RTN3: variants seen among roughly 807,000 people sequenced by gnomAD.
RTN3 encodes the protein reticulon-3.
In RTN3, 49 loss-of-function variants were observed where a neutral mutation model predicts 77.8. The ratio of observed to expected loss-of-function variants is 0.63; its 90% CI spans 0.50 to 0.80. RTN3 has a LOEUF of 0.80. Ranked by LOEUF, RTN3 falls within the 30% of genes least tolerant of loss-of-function variation. RTN3 has a pLI of 0.00. For synonymous variants in RTN3, 464 were observed against 446.9 expected, an observed-to-expected ratio of 1.04 and a Z score of -0.48; for missense variants, 1,236 against 1,211.9, an observed-to-expected ratio of 1.02 and a Z score of -0.29.
Position 63,718,977 on chromosome 11 carries a change from C to A in RTN3, c.475C>A (p.Pro159Thr). ...AGVHCDRPSIPASFPEHPAFL... is the reference protein window; with the variant it reads ...AGVHCDRPSITASFPEHPAFL... Reference sequence around the variant, plus strand: ...AGTTCATTGTGACCGTCCTTCTATTCCAGCCAGTTTCCCAGAGCATCCTGC... The same window carrying A: ...AGTTCATTGTGACCGTCCTTCTATTACAGCCAGTTTCCCAGAGCATCCTGC... Residue 159 changes from proline (P) to threonine (T), a missense_variant, in exon 3 of 9, where the codon CCA becomes ACA. Physicochemically the swap from Pro to Thr is conservative, Grantham distance 38 (BLOSUM62 -1). Transcript: ENST00000377819. 1 of 1,614,122 alleles carries A rather than the reference C, an allele frequency of 6.2e-7. No individual in the cohort carries two copies. The highest frequency in any genetic ancestry group is 1.6e-4 in the Middle Eastern group (1 of 6,062).
At chr11:63,753,781 T>A in intron 7 of RTN3, 73 bp downstream of exon 7, 1 of 1,338,022 alleles carries the variant, frequency 7.5e-7, no homozygotes, top group Non-Finnish European at 1.1e-6. Flanking sequence ...TCTGAGACAT[T>A]GAATGTTCAG....
chr11:63,688,614 T>G (rs561161623), intron 1 of RTN3, among the ~76,000 whole-genome samples: 1 of 152,232 alleles, frequency 6.6e-6, no homozygotes, highest in African/African-American at 2.4e-5. Context: ...TCTACATACA[T>G]TTAGTAGGTG....
chr11:63,738,107 G>T (rs1234941828), intron 3 of RTN3, among the ~76,000 whole-genome samples: 2 of 152,094 alleles, frequency 1.3e-5, no homozygotes, highest in Non-Finnish European at 2.9e-5. Flanking sequence ...AGTAACCAAA[G>T]AAAAGAAATA....
At chr11:63,689,369 G>C (rs1360734859) in intron 1 of RTN3, among the ~76,000 whole-genome samples, 3 of 152,202 alleles carry the variant, frequency 2.0e-5, no homozygotes, top group Non-Finnish European at 4.4e-5. Context: ...TTGGATCATA[G>C]GGTATGGTGT....
In RTN3 at chr11:63,720,085, C is replaced by T; in HGVS notation, c.1583C>T (p.Pro528Leu). Reference sequence around the variant, plus strand: ...CAGGCTGAAAAACCTGTTTCCATTCCAAGTGCTGTTGTAAAAACAGGTGAA... The same window carrying T: ...CAGGCTGAAAAACCTGTTTCCATTCTAAGTGCTGTTGTAAAAACAGGTGAA... ...KIQAEKPVSI[P>L]SAVVKTGERE... Residue 528 changes from proline (P) to leucine (L), a missense_variant, in exon 3 of 9, where the codon CCA (proline) becomes CTA (leucine). This residue lies in a region of RTN3 where 1,056 missense variants were observed against 990.4 expected (regional missense o/e 1.07). Transcript: ENST00000377819. 1 of 1,613,726 alleles carries T rather than the reference C, an allele frequency of 6.2e-7. No individual in the cohort carries two copies. Among genetic ancestry groups the T allele is most frequent in the South Asian group, 1.1e-5 (1 of 90,914 alleles).
intron 3 of RTN3, among the ~76,000 whole-genome samples, chr11:63,742,603 C>A (rs1431705048): frequency 1.3e-5 from 2 of 152,004 alleles, no homozygotes; most frequent in African/African-American, 2.4e-5. Flanking sequence ...CGAGATCATG[C>A]CACTGCACTC....
chr11:63,688,839 G>T (rs755637313), intron 1 of RTN3, among the ~76,000 whole-genome samples: 2 of 152,182 alleles, frequency 1.3e-5, no homozygotes, highest in African/African-American at 4.8e-5. Context: ...GTAAAATGAA[G>T]TTTGGTCATG....
At chr11:63,757,000 A>G (rs868314895) in intron 8 of RTN3, among the ~76,000 whole-genome samples, 3 of 152,184 alleles carry the variant, frequency 2.0e-5, no homozygotes, top group African/African-American at 7.2e-5. Context: ...AGCAGAGACC[A>G]TGCCATTGCA....
intron 3 of RTN3, among the ~76,000 whole-genome samples, chr11:63,743,263 C>T (rs1281861324): frequency 6.6e-6 from 1 of 152,120 alleles, no homozygotes; most frequent in Non-Finnish European, 1.5e-5. Flanking sequence ...GGAGTAGAGG[C>T]AGAGAGAACT....
intron 4 of RTN3, among the ~76,000 whole-genome samples, chr11:63,751,672 A>G (rs74544901): frequency 6.6e-6 from 1 of 152,264 alleles, no homozygotes; most frequent in East Asian, 1.9e-4. Context: ...TAGAAGGAAT[A>G]ACTTACAACT....
At position 63,681,622 on chromosome 11, in the gene RTN3, C is replaced by A; in HGVS notation, c.-15C>A. The A allele has an allele frequency of 6.3e-7, 1 of 1,580,122 alleles. No homozygotes were observed. The highest frequency in any genetic ancestry group is 8.6e-7 in the Non-Finnish European group (1 of 1,161,262). On this transcript the variant is annotated 5_prime_UTR_variant, in exon 1 of 9. Transcript: ENST00000377819. Reference sequence around the variant, plus strand: ...TATCTCTTTTCACCCTTCTCCCACCCTCGCTCGCGTAGCCATGGCGGAGCC... The same window carrying A: ...TATCTCTTTTCACCCTTCTCCCACCATCGCTCGCGTAGCCATGGCGGAGCC...
At chr11:63,735,555 T>TCTCTCTCTCTCTCTCTCTCTCTCC (rs2134987223) in intron 3 of RTN3, among the ~76,000 whole-genome samples, 1 of 121,600 alleles carries the variant, frequency 8.2e-6, no homozygotes, top group Non-Finnish European at 1.7e-5. Context: ...AACATTTCTC[T>TCTCTCTCTCTCTCTCTCTCTCTCC]CTCTCTCTCT....
intron 8 of RTN3, among the ~76,000 whole-genome samples, chr11:63,757,537 T>TTA (rs1446669313): frequency 4.0e-5 from 6 of 151,830 alleles, no homozygotes; most frequent in Non-Finnish European, 7.4e-5. Context: ...TTTTTATTTT[T>TTA]TATAGAGATG....
At chr11:63,730,725 C>T (rs541051199) in intron 3 of RTN3, among the ~76,000 whole-genome samples, 14 of 152,070 alleles carry the variant, frequency 9.2e-5, no homozygotes, top group Non-Finnish European at 2.9e-5. Context: ...GAGGCTGAGG[C>T]GGAGGATTGC....
intron 2 of RTN3, chr11:63,713,966 G>A (rs1209566240): frequency 3.9e-6 from 2 of 515,520 alleles, no homozygotes; most frequent in Non-Finnish European, 7.7e-6. Flanking sequence ...CTGTCCTTTT[G>A]CCAGGTACTG....
At chr11:63,741,321 G>A (rs2013463648) in intron 3 of RTN3, among the ~76,000 whole-genome samples, 1 of 151,430 alleles carries the variant, frequency 6.6e-6, no homozygotes, top group South Asian at 2.1e-4. Context: ...TTGTGCCTCA[G>A]CCTCCTGAGT....
intron 2 of RTN3, among the ~76,000 whole-genome samples, chr11:63,709,491 A>G (rs1942644803): frequency 6.6e-6 from 1 of 152,050 alleles, no homozygotes; most frequent in Admixed American, 6.6e-5. Flanking sequence ...CAATTTGACT[A>G]ATGCAGTAGG....
At chr11:63,727,309 G>T (rs1171708743) in intron 3 of RTN3, among the ~76,000 whole-genome samples, 1 of 152,076 alleles carries the variant, frequency 6.6e-6, no homozygotes, top group African/African-American at 2.4e-5. Flanking sequence ...TAAGAACCAA[G>T]AAATTATAAC....
At chr11:63,740,448 A>ATTTTTT (rs34045543) in intron 3 of RTN3, among the ~76,000 whole-genome samples, 22 of 120,720 alleles carry the variant, frequency 1.8e-4, no homozygotes, top group East Asian at 4.6e-4. Context: ...TGCCTGGCTA[A>ATTTTTT]TTTTTTTTTT....
Sources: gnomAD v4.1 joint callset for allele counts (sites outside exome capture counted in the v4.1 genomes callset) on GRCh38, gnomAD v4.1.1 for gene constraint, gnomAD v4.1.1 regional missense constraint, MANE v1.5 for transcripts, NCBI Gene and HGNC (gene_info 2026-07-23, HGNC 2026-07-21) for gene names.